SLC44A5: variants seen among roughly 807,000 people sequenced by gnomAD.
SLC44A5 encodes the protein solute carrier family 44 member 5, also known as choline transporter-like protein 5.
In SLC44A5, 57 loss-of-function variants were observed where a neutral mutation model predicts 101.8. The ratio of observed to expected loss-of-function variants is 0.56; its 90% CI spans 0.45 to 0.70. The LOEUF (loss-of-function observed/expected upper bound fraction) is 0.70, where lower values mean the gene tolerates loss of function less well. Among genes scored for constraint, SLC44A5 ranks in the 30% least tolerant of loss-of-function variants. SLC44A5 has a pLI of 0.00. For missense variants in SLC44A5, 737 were observed against 853.1 expected, an observed-to-expected ratio of 0.86 and a Z score of 1.70; for synonymous variants, 281 against 290.9, an observed-to-expected ratio of 0.97 and a Z score of 0.35.
chr1:75,438,285 T>G (rs1330756265), intron 2 of SLC44A5, among the ~76,000 whole-genome samples: 2 of 152,104 alleles, frequency 1.3e-5, no homozygotes, highest in Non-Finnish European at 2.9e-5. Flanking sequence ...GAAGAAAGCC[T>G]GATTGGAGTG....
intron 2 of SLC44A5, among the ~76,000 whole-genome samples, chr1:75,487,617 C>T (rs186592523): frequency 6.6e-4 from 100 of 152,290 alleles, no homozygotes; most frequent in African/African-American, 9.9e-4. Flanking sequence ...AGGTACTCTA[C>T]GTTGAGATGA....
chr1:75,301,256 CATTGTAAATGT>C (rs1176275758), intron 4 of SLC44A5, among the ~76,000 whole-genome samples: 1 of 152,180 alleles, frequency 6.6e-6, no homozygotes, highest in African/African-American at 2.4e-5. Context: ...GTAAGCTACA[CATTGTAAATGT>C]AGGTTTAGAG....
intron 2 of SLC44A5, among the ~76,000 whole-genome samples, chr1:75,509,641 G>C (rs1669457669): frequency 6.6e-6 from 1 of 152,118 alleles, no homozygotes. Context: ...AAGCACCATG[G>C]TTCATAAATT....
chr1:75,526,870 C>T (rs1450601534), intron 2 of SLC44A5, among the ~76,000 whole-genome samples: 1 of 152,124 alleles, frequency 6.6e-6, no homozygotes, highest in African/African-American at 2.4e-5. Context: ...TGCGGTGGCT[C>T]ACACCTGTAA....
chr1:75,600,825 A>T (rs1466271454), intron 1 of SLC44A5, among the ~76,000 whole-genome samples: 2 of 152,210 alleles, frequency 1.3e-5, no homozygotes, highest in Non-Finnish European at 2.9e-5. Context: ...GTGTATAACT[A>T]GATATGGCTA....
intron 4 of SLC44A5, among the ~76,000 whole-genome samples, chr1:75,302,841 C>T (rs908211174): frequency 1.3e-5 from 2 of 152,084 alleles, no homozygotes; most frequent in Admixed American, 6.5e-5. Context: ...GCCTGGATAA[C>T]GTGGATACAG....
At chr1:75,623,388 T>G in the SLC44A5 span, among the ~76,000 whole-genome samples, 1 of 152,108 alleles carries the variant, frequency 6.6e-6, no homozygotes, top group Non-Finnish European at 1.5e-5. Flanking sequence ...AACAGCATGC[T>G]GAAAGGCCCA....
intron 6 of SLC44A5, among the ~76,000 whole-genome samples, chr1:75,258,587 G>T (rs1474226919): frequency 6.6e-6 from 1 of 152,154 alleles, no homozygotes; most frequent in African/African-American, 2.4e-5. Flanking sequence ...GGAAGGGGCG[G>T]TCGGGGGTCC....
intron 2 of SLC44A5, among the ~76,000 whole-genome samples, chr1:75,401,150 T>C (rs1662451506): frequency 2.0e-5 from 3 of 152,204 alleles, no homozygotes; most frequent in Non-Finnish European, 4.4e-5. Context: ...AGGCTGGTTA[T>C]AAACTCACTA....
At chr1:75,499,177 C>G (rs141380774) in intron 2 of SLC44A5, among the ~76,000 whole-genome samples, 4 of 152,164 alleles carry the variant, frequency 2.6e-5, no homozygotes, top group African/African-American at 9.6e-5. Flanking sequence ...GGCAGTGTTC[C>G]CCAACCTTTT....
At chr1:75,659,229 G>A in the SLC44A5 span, among the ~76,000 whole-genome samples, 1 of 148,510 alleles carries the variant, frequency 6.7e-6, no homozygotes, top group African/African-American at 2.5e-5. Flanking sequence ...CTCAAAAAGA[G>A]GAAGAAATAC....
At chr1:75,268,887 A>G (rs1279528452) in intron 6 of SLC44A5, among the ~76,000 whole-genome samples, 1 of 152,168 alleles carries the variant, frequency 6.6e-6, no homozygotes, top group Non-Finnish European at 1.5e-5. Context: ...AGAAACATTT[A>G]GGTTGTTTCC....
At chr1:75,720,329 G>A in the SLC44A5 span, 4 of 152,300 alleles carry the variant, frequency 2.6e-5, no homozygotes, top group East Asian at 7.7e-4. Flanking sequence ...TGGAGCGTAG[G>A]TCTGTATAGT....
rs529153906 is a variant in SLC44A5, at chr1:75,405,812, C to A, written c.14-9191G>T. On this transcript the variant is annotated intron_variant, in intron 2 of 23. Coordinates refer to ENST00000370859, the MANE Select transcript of SLC44A5 (RefSeq NM_001130058.2). ...ATTAAACGAACTAGAGAAGCAAGAGCAAACAAATTCAAAAGCTAGCAGAAG... is the reference window on the plus strand; with the variant it reads ...ATTAAACGAACTAGAGAAGCAAGAGAAAACAAATTCAAAAGCTAGCAGAAG... Among the ~76,000 whole-genome samples, 40 of 82,200 alleles carry A rather than the reference C, an allele frequency of 4.9e-4. No individual in the cohort carries two copies. In the South Asian group the frequency reaches 0.014, roughly 29 times the overall value. The allele number at this position is 82,200 out of a possible 152,430, so 53.9% of individuals were successfully genotyped here. A position where few individuals can be genotyped will look rare whatever the true frequency, so the allele number is the denominator to read the frequency against.
intron 2 of SLC44A5, among the ~76,000 whole-genome samples, chr1:75,397,532 AAAT>A (rs773519980): frequency 1.7e-4 from 26 of 152,196 alleles, no homozygotes; most frequent in Non-Finnish European, 3.5e-4. Context: ...CCTTTGGGAA[AAAT>A]AATAATAACG....
At position 75,219,752 on chromosome 1, in the gene SLC44A5, G is replaced by A. The variant is rs1481747405; in HGVS notation, c.1178+48C>T. 8 of 1,171,888 alleles carry A rather than the reference G, an allele frequency of 6.8e-6. No homozygotes were observed. In the South Asian group the frequency reaches 1.0e-4, roughly 15 times the overall value. The allele number at this position is 1,171,888 out of a possible 1,614,324, so 72.6% of individuals were successfully genotyped here. A position where few individuals can be genotyped will look rare whatever the true frequency, so the allele number is the denominator to read the frequency against. On this transcript the variant is annotated intron_variant, in intron 15 of 23. Coordinates refer to ENST00000370859, the MANE Select transcript of SLC44A5 (RefSeq NM_001130058.2). Reference sequence around the variant, plus strand: ...CTGAACACAAACTCCTGGTTCACGAGTAGTCATGTGAACCTGAGGTTTAAA... The same window carrying A: ...CTGAACACAAACTCCTGGTTCACGAATAGTCATGTGAACCTGAGGTTTAAA...
At chr1:75,287,666 C>T (rs1442742479) in intron 5 of SLC44A5, among the ~76,000 whole-genome samples, 1 of 152,026 alleles carries the variant, frequency 6.6e-6, no homozygotes, top group East Asian at 1.9e-4. Flanking sequence ...TCTTCTCCTT[C>T]CCCAAGGGAT....
In SLC44A5 at chr1:75,477,368, G is replaced by A. The variant is rs181980273; in HGVS notation, c.13+64067C>T. On this transcript the variant is annotated intron_variant, in intron 2 of 23. Transcript: ENST00000370859. Reference sequence around the variant, plus strand: ...AGCGCCTCTCCTCCTCCAAAGGAACGCAGTTCCTCACCAGCAACGGAACAA... The same window carrying A: ...AGCGCCTCTCCTCCTCCAAAGGAACACAGTTCCTCACCAGCAACGGAACAA... Among the ~76,000 whole-genome samples the A allele has an allele frequency of 3.9e-4, 60 of 152,264 alleles. 1 individual carries two copies. The highest frequency in any genetic ancestry group is 2.2e-3 in the Admixed American group (33 of 15,292).
At chr1:75,712,131 T>G in the SLC44A5 span, among the ~76,000 whole-genome samples, 1 of 152,216 alleles carries the variant, frequency 6.6e-6, no homozygotes, top group Non-Finnish European at 1.5e-5. Context: ...GCCCCTAACT[T>G]GTTTCTCTCT....
Sources: gnomAD v4.1 joint callset for allele counts (sites outside exome capture counted in the v4.1 genomes callset) on GRCh38, gnomAD v4.1.1 for gene constraint, MANE v1.5 for transcripts, NCBI Gene and HGNC (gene_info 2026-07-23, HGNC 2026-07-21) for gene names.